The following L3MBTL1 variants were observed in gnomAD, a reference collection of about 807,000 sequenced individuals.
The protein encoded by L3MBTL1 is L3MBTL histone methyl-lysine binding protein 1.
In L3MBTL1, 75 loss-of-function variants were observed where a neutral mutation model predicts 105.3. That is an observed-to-expected ratio of 0.71 (90% confidence interval 0.59 to 0.86). The LOEUF is 0.86. L3MBTL1 is among the 40% of genes least tolerant of loss of function. The probability of loss-of-function intolerance (pLI) is 0.00; values close to 1 mark genes in which losing one functional copy is unlikely to be tolerated. For synonymous variants in L3MBTL1, 452 were observed against 436.2 expected, an observed-to-expected ratio of 1.04 and a Z score of -0.45; for missense variants, 1,069 against 1,126.4, an observed-to-expected ratio of 0.95 and a Z score of 0.73.
At chr20:43,523,992 C>CAAAAAAAA (rs577732076) in intron 7 of L3MBTL1, among the ~76,000 whole-genome samples, 1 of 83,094 alleles carries the variant, frequency 1.2e-5, no homozygotes, top group African/African-American at 4.2e-5. Context: ...GACTCCATCT[C>CAAAAAAAA]AAAAAAAAAA....
chr20:43,529,053 G>C (rs1328983008), intron 8 of L3MBTL1: 2 of 604,622 alleles, frequency 3.3e-6, no homozygotes, highest in African/African-American at 3.7e-5. Context: ...GAGCCCTTGA[G>C]TCCAGCCCTG....
chr20:43,507,888 G>A (rs1382202566), intron 1 of L3MBTL1, 144 bp downstream of exon 1: 1 of 152,354 alleles, frequency 6.6e-6, no homozygotes, highest in Admixed American at 6.5e-5. Context: ...GCGCGGGCTG[G>A]GGAGGAGGTT....
rs1008183002 is a variant in L3MBTL1, at chr20:43,513,854, C to A, written c.153C>A (p.Leu51=). Residue 51 remains leucine (L), a synonymous_variant, in exon 3 of 22, where the codon CTC becomes CTA. Transcript: ENST00000418998. ...AFIIPASSAT[L]GLPSSALDVS... Reference sequence around the variant, plus strand: ...TGTTTACAGCCAGTTCGGCCACCCTCGGCCTGCCCAGCAGTGCCCTGGATG... The same window carrying A: ...TGTTTACAGCCAGTTCGGCCACCCTAGGCCTGCCCAGCAGTGCCCTGGATG... 9 of 1,550,516 alleles carry A rather than the reference C, an allele frequency of 5.8e-6. No individual in the cohort carries two copies. The African/African-American group carries it at 1.1e-4, about 19-fold the overall frequency.
At chr20:43,549,933 T>G (rs1425384987) in exon 19 of L3MBTL1, 1 of 152,210 alleles carries the variant, frequency 6.6e-6, no homozygotes, top group Non-Finnish European at 1.5e-5. Flanking sequence ...GCTGGACAGC[T>G]TTTTGAGGAA....
rs907288034 is a variant in L3MBTL1, at chr20:43,540,692, C to A, written c.2332-61C>A. 2.0e-6 allele frequency: 3 copies of A among 1,522,158 alleles called. No individual in the cohort carries two copies. In the East Asian group the frequency reaches 6.8e-5, roughly 34 times the overall value. The allele number at this position is 1,522,158 out of a possible 1,614,324, so 94.3% of individuals were successfully genotyped here. A position where few individuals can be genotyped will look rare whatever the true frequency, so the allele number is the denominator to read the frequency against. Reference sequence around the variant, plus strand: ...TCAGAAGCACCTAGGCTGTGGAGGCCAGCTCTCCCTACATGCCTAAGCTCT... The same window carrying A: ...TCAGAAGCACCTAGGCTGTGGAGGCAAGCTCTCCCTACATGCCTAAGCTCT... On this transcript the variant is annotated intron_variant, in intron 20 of 21. Coordinates refer to ENST00000418998, the MANE Select transcript of L3MBTL1 (RefSeq NM_001377303.1).
intron 20 of L3MBTL1, 85 bp from the exon 21 acceptor site, chr20:43,540,668 C>A: frequency 7.7e-7 from 1 of 1,303,630 alleles, no homozygotes; most frequent in Non-Finnish European, 1.1e-6. Context: ...TGGCACAGCT[C>A]AGAAGCACCT....
intron 1 of L3MBTL1, among the ~76,000 whole-genome samples, chr20:43,509,194 T>G (rs1024458633): frequency 2.6e-5 from 4 of 152,082 alleles, no homozygotes; most frequent in Admixed American, 2.6e-4. Flanking sequence ...TTTTTCTTTC[T>G]TTCTCTCTCT....
intron 1 of L3MBTL1, among the ~76,000 whole-genome samples, chr20:43,508,223 GAAT>G (rs2018037781): frequency 6.7e-6 from 1 of 148,660 alleles, no homozygotes. Context: ...TAAAGAGAAA[GAAT>G]AAAAAGAATT....
chr20:43,516,275 G>T, intron 7 of L3MBTL1, 98 bp downstream of exon 7: 1 of 835,654 alleles, frequency 1.2e-6, no homozygotes, highest in Non-Finnish European at 2.0e-6. Flanking sequence ...ATGGTAGGTT[G>T]TACATGCATA....
At chr20:43,518,484 C>T (rs376044618) in intron 7 of L3MBTL1, among the ~76,000 whole-genome samples, 2 of 152,112 alleles carry the variant, frequency 1.3e-5, no homozygotes, top group African/African-American at 2.4e-5. Context: ...TTCTCCTTTT[C>T]GATAACCATA....
rs1247734967 is a variant in L3MBTL1 at position 43,534,870 on chromosome 20, G to A, written c.1753G>A (p.Asp585Asn). Residue 585 changes from aspartate to asparagine, a missense_variant, in exon 16 of 22, where the codon GAC becomes AAC. Asp to Asn is a conservative substitution (Grantham distance 23). Coordinates refer to ENST00000418998, the MANE Select transcript of L3MBTL1 (RefSeq NM_001377303.1). ...GAGTCATGGCTATGATTTCTGGATC[G>A]ACGCTGACCACCCAGACATCCACCC... ...GWSHGYDFWI[D>N]ADHPDIHPAG... The A allele has an allele frequency of 1.4e-5, 22 of 1,610,342 alleles. No individual in the cohort carries two copies. Among genetic ancestry groups the A allele is most frequent in the African/African-American group, 2.7e-5 (2 of 74,498 alleles).
chr20:43,534,729 G>T, intron 15 of L3MBTL1, 99 bp from the exon 16 acceptor site: 1 of 801,682 alleles, frequency 1.2e-6, no homozygotes, highest in South Asian at 1.7e-5. Flanking sequence ...TTCAATCCAG[G>T]ATCTTGCTTC....
At chr20:43,538,611 T>C (rs11699505) in intron 19 of L3MBTL1, among the ~76,000 whole-genome samples, 17,112 of 152,212 alleles carry the variant, frequency 0.11, 1,233 homozygotes, top group Non-Finnish European at 0.16. Context: ...AGGACAGGGC[T>C]TGGCTGGGCT....
intron 21 of L3MBTL1, 37 bp downstream of exon 21, chr20:43,540,852 G>T (rs377308989): frequency 5.0e-6 from 8 of 1,613,380 alleles, no homozygotes; most frequent in African/African-American, 4.0e-5. Context: ...CAGAGCCGGG[G>T]TCACTGTCCT....
At chr20:43,526,353 G>T (rs2019032289) in intron 7 of L3MBTL1, among the ~76,000 whole-genome samples, 1 of 152,122 alleles carries the variant, frequency 6.6e-6, no homozygotes, top group Non-Finnish European at 1.5e-5. Flanking sequence ...AATCCCAGTG[G>T]CAAGAAGCAG....
chr20:43,518,130 A>G (rs2018498392), intron 7 of L3MBTL1, among the ~76,000 whole-genome samples: 2 of 150,724 alleles, frequency 1.3e-5, no homozygotes, highest in South Asian at 4.2e-4. Flanking sequence ...TGTGAATATT[A>G]GTGTGACATT....
intron 19 of L3MBTL1, among the ~76,000 whole-genome samples, chr20:43,538,144 G>C (rs942090285): frequency 3.3e-5 from 5 of 152,140 alleles, no homozygotes; most frequent in Admixed American, 6.5e-5. Flanking sequence ...GAGTGATGAG[G>C]GTCTTGGCCA....
Position 43,540,242 on chromosome 20 carries a change from C to T in L3MBTL1, c.2265C>T (p.His755=). Residue 755 remains histidine (H), a synonymous_variant, in exon 20 of 22, where the codon CAC becomes CAT. Coordinates refer to ENST00000418998, the MANE Select transcript of L3MBTL1 (RefSeq NM_001377303.1). ...DRSLSVCWEQ[H]CKLLPGVAGI... is the part of the protein sequence containing the mutation. ...CACTCTCAGTGTGCTGGGAGCAGCA[C>T]TGCAAGCTCCTGCCAGGAGTAGCGG... The T allele has an allele frequency of 6.2e-7, 1 of 1,613,864 alleles. No individual in the cohort carries two copies. Among genetic ancestry groups the T allele is most frequent in the Non-Finnish European group, 8.5e-7 (1 of 1,180,040 alleles).
chr20:43,525,055 T>C lies in L3MBTL1; in HGVS notation c.863-3602T>C, dbSNP rs79544688. Among the ~76,000 whole-genome samples, 965 of 150,404 alleles carry C rather than the reference T, an allele frequency of 6.4e-3. 5 individuals are homozygous for C. The highest frequency in any genetic ancestry group is 0.01 in the Non-Finnish European group (709 of 67,822). On this transcript the variant is annotated intron_variant, in intron 7 of 21. Transcript: ENST00000418998. ...AGGACAGTAAATGTGGAGAGATGGA[T>C]ATAGATCCAAGAGATAACTAGGAGT...
Sources: allele counts gnomAD v4.1 joint callset (sites outside exome capture counted in the v4.1 genomes callset), GRCh38; gene constraint gnomAD v4.1.1; transcripts MANE v1.5; gene names NCBI Gene and HGNC (gene_info 2026-07-23, HGNC 2026-07-21).